The following GARIN5B variants were observed in gnomAD, a reference collection of about 807,000 sequenced individuals.
The protein encoded by GARIN5B is Golgi-associated RAB2 interactor protein 5B.
At chr19:55,361,790 GCCC>G in the GARIN5B span, among the ~76,000 whole-genome samples, 3,376 of 85,904 alleles carry the variant, frequency 0.039, 1,111 homozygotes, top group Middle Eastern at 0.065. Flanking sequence ...AGACCCCACA[GCCC>G]CTCCTCCCTC....
chr19:55,357,805 G>A, the GARIN5B span, among the ~76,000 whole-genome samples: 1 of 152,242 alleles, frequency 6.6e-6, no homozygotes, highest in Non-Finnish European at 1.5e-5. Context: ...TGTAATCCCA[G>A]CACTTTGGGA....
the GARIN5B span, chr19:55,358,581 T>C: frequency 6.4e-7 from 1 of 1,551,166 alleles, no homozygotes; most frequent in African/African-American, 1.4e-5. Flanking sequence ...TTCACCCAGG[T>C]GTGCGACTCT....
chr19:55,360,719 C>T, the GARIN5B span: 115 of 1,551,492 alleles, frequency 7.4e-5, 1 homozygote, highest in Admixed American at 5.9e-4. Flanking sequence ...GTCTGGTTGG[C>T]GGTGCTGGAA....
At chr19:55,361,702 C>CTG in the GARIN5B span, among the ~76,000 whole-genome samples, 1 of 55,312 alleles carries the variant, frequency 1.8e-5, no homozygotes, top group African/African-American at 4.4e-5. Context: ...CTCCCTCAGA[C>CTG]CCAGGAGTCC....
chr19:55,358,579 G>C, the GARIN5B span: 1 of 1,551,340 alleles, frequency 6.4e-7, no homozygotes, highest in Non-Finnish European at 8.7e-7. Flanking sequence ...CCTTCACCCA[G>C]GTGTGCGACT....
the GARIN5B span, chr19:55,362,358 G>C: frequency 1.3e-6 from 2 of 1,550,552 alleles, no homozygotes; most frequent in Non-Finnish European, 1.7e-6. Context: ...TTGATGAGGC[G>C]GACCCAGCAG....
chr19:55,360,678 G>T, the GARIN5B span: 1 of 1,549,400 alleles, frequency 6.5e-7, no homozygotes, highest in Non-Finnish European at 8.7e-7. Flanking sequence ...GCCCTGCCCC[G>T]GGTATAAGGC....
the GARIN5B span, chr19:55,360,995 C>T: frequency 2.6e-6 from 4 of 1,550,800 alleles, no homozygotes; most frequent in Non-Finnish European, 2.6e-6. Flanking sequence ...AGACCCCACG[C>T]CCACTTCTTT....
chr19:55,355,268 G>T, the GARIN5B span: 213 of 1,538,904 alleles, frequency 1.4e-4, no homozygotes, highest in Admixed American at 3.4e-4. Flanking sequence ...ACCTGGCAGC[G>T]CTGGGCTCCT....
chr19:55,361,234 C>T, the GARIN5B span: 1 of 1,551,018 alleles, frequency 6.4e-7, no homozygotes, highest in Middle Eastern at 1.7e-4. Context: ...GCTCAGCAAC[C>T]CTGACTGGGA....
the GARIN5B span, chr19:55,361,106 G>A: frequency 6.4e-7 from 1 of 1,551,316 alleles, no homozygotes; most frequent in Non-Finnish European, 8.7e-7. Context: ...TTGAGCGCCT[G>A]GAGTGGGTGA....
the GARIN5B span, chr19:55,361,261 G>A: frequency 6.4e-7 from 1 of 1,550,430 alleles, no homozygotes; most frequent in Non-Finnish European, 8.7e-7. Flanking sequence ...GAGACATCCT[G>A]GGTCAGGGAC....
At chr19:55,358,487 G>A in the GARIN5B span, 19 of 1,539,812 alleles carry the variant, frequency 1.2e-5, no homozygotes, top group Non-Finnish European at 1.5e-5. Context: ...GGGCACCTTG[G>A]GTGGCCCCTT....
the GARIN5B span, chr19:55,362,484 C>G: frequency 6.5e-7 from 1 of 1,527,336 alleles, no homozygotes; most frequent in Non-Finnish European, 8.8e-7. Context: ...CAGAGGTGGA[C>G]GAGGTCCAGG....
the GARIN5B span, chr19:55,361,330 G>A: frequency 9.7e-6 from 15 of 1,541,666 alleles, no homozygotes; most frequent in South Asian, 2.4e-5. Flanking sequence ...ACCAAGGAAG[G>A]GGGAAGAGCC....
At chr19:55,359,779 A>T in the GARIN5B span, 1 of 1,551,332 alleles carries the variant, frequency 6.4e-7, no homozygotes, top group Non-Finnish European at 8.7e-7. Flanking sequence ...GGGGATAGGG[A>T]GCCAGACCGG....
At chr19:55,355,336 G>A in the GARIN5B span, 1 of 1,550,596 alleles carries the variant, frequency 6.4e-7, no homozygotes, top group Non-Finnish European at 8.7e-7. Context: ...AGTGCTGGGA[G>A]TGCTGCAGGC....
the GARIN5B span, chr19:55,360,597 T>G: frequency 1.6e-6 from 2 of 1,216,150 alleles, no homozygotes; most frequent in Non-Finnish European, 2.1e-6. Context: ...GGAGTCCAGG[T>G]CCCAGCCTCT....
the GARIN5B span, chr19:55,358,409 G>C: frequency 1.3e-6 from 2 of 1,506,992 alleles, no homozygotes; most frequent in South Asian, 2.6e-5. Context: ...CGGTGAGGCG[G>C]TCAGGGGGAT....
Sources: gnomAD v4.1 joint callset for allele counts (sites outside exome capture counted in the v4.1 genomes callset) on GRCh38, gnomAD v4.1.1 for gene constraint, MANE v1.5 for transcripts, NCBI Gene and HGNC (gene_info 2026-07-23, HGNC 2026-07-21) for gene names.